The following PRKX variants were observed in gnomAD, a reference collection of about 807,000 sequenced individuals.
The protein encoded by PRKX is cAMP-dependent protein kinase catalytic subunit PRKX.
In PRKX, 12 loss-of-function variants were observed where a neutral mutation model predicts 22.0. The ratio of observed to expected loss-of-function variants is 0.54; its 90% confidence interval spans 0.35 to 0.88. PRKX has a LOEUF of 0.88. Ranked by LOEUF, PRKX falls within the 40% of genes least tolerant of loss-of-function variation. PRKX has a pLI of 0.01. For synonymous variants in PRKX, 134 were observed against 137.7 expected (o/e 0.97, Z 0.19); for missense variants, 217 against 308.0 (o/e 0.70, Z 2.21).
intron 4 of PRKX, among the ~76,000 whole-genome samples, chrX:3,638,606 C>T (rs1452920272): frequency 9.0e-6 from 1 of 111,422 alleles, no homozygotes; most frequent in African/African-American, 3.3e-5. Context: ...AAGTTTGGTT[C>T]TATATGACTT....
intron 1 of PRKX, among the ~76,000 whole-genome samples, chrX:3,689,712 TCAC>T (rs1928263341): frequency 9.0e-6 from 1 of 111,717 alleles, no homozygotes; most frequent in African/African-American, 3.3e-5. Context: ...GCGCGGTGGC[TCAC>T]ACCTGTAATC....
At chrX:3,703,356 A>C (rs1338982840) in intron 1 of PRKX, among the ~76,000 whole-genome samples, 1 of 111,974 alleles carries the variant, frequency 8.9e-6, no homozygotes, top group Non-Finnish European at 1.9e-5. Flanking sequence ...AGAAGACATG[A>C]AAGGCTGGAA....
chrX:3,637,016 GGGAAAGGAAAA>G (rs772954319), intron 4 of PRKX, among the ~76,000 whole-genome samples: 2 of 91,265 alleles, frequency 2.2e-5, no homozygotes, highest in Non-Finnish European at 4.8e-5. Flanking sequence ...AGAGGGAGAG[GGGAAAGGAAAA>G]GGAAAGGAAG....
chrX:3,690,226 T>C (rs1246820103), intron 1 of PRKX, among the ~76,000 whole-genome samples: 3 of 111,640 alleles, frequency 2.7e-5, no homozygotes, highest in Non-Finnish European at 5.6e-5. Flanking sequence ...TACTTCAAAC[T>C]TCAGTTAAAA....
chrX:3,605,323 G>C lies in PRKX; in HGVS notation c.*3646C>G, dbSNP rs1022225690. On this transcript the variant is annotated 3_prime_UTR_variant, in exon 9 of 9. Transcript: ENST00000262848. ...AATCAAAGGCTGCAAGGACTGTGTA[G>C]ACCTGATGCAAAGTTAACTGGCTGC... 8.9e-6 allele frequency: 1 copy of C among 112,359 alleles called. No individual in the cohort carries two copies. Among genetic ancestry groups the C allele is most frequent in the Non-Finnish European group, 1.9e-5 (1 of 53,280 alleles). 9.3% of individuals were successfully genotyped at this position (112,359 alleles called of 1,213,427 possible). A position where few individuals can be genotyped will look rare whatever the true frequency, so the allele number is the denominator to read the frequency against.
intron 1 of PRKX, among the ~76,000 whole-genome samples, chrX:3,694,729 C>A (rs149416181): frequency 1.8e-5 from 2 of 111,404 alleles, no homozygotes; most frequent in Non-Finnish European, 3.8e-5. Flanking sequence ...GATGAGATCG[C>A]GCTGGAAAAG....
chrX:3,698,656 T>C (rs1241106169), intron 1 of PRKX, among the ~76,000 whole-genome samples: 2 of 109,528 alleles, frequency 1.8e-5, no homozygotes, highest in African/African-American at 6.7e-5. Flanking sequence ...TGGTGTGATC[T>C]CGGCTCACTG....
chrX:3,699,840 C>G (rs765231898), intron 1 of PRKX, among the ~76,000 whole-genome samples: 1 of 112,386 alleles, frequency 8.9e-6, no homozygotes, highest in Non-Finnish European at 1.9e-5. Flanking sequence ...GGAAGACAAG[C>G]TCCCGGAACT....
chrX:3,689,839 T>A (rs866706854), intron 1 of PRKX, among the ~76,000 whole-genome samples: 1 of 110,960 alleles, frequency 9.0e-6, no homozygotes, highest in African/African-American at 3.3e-5. Context: ...TAGCCGAGTG[T>A]GGTGGCGGAA....
intron 7 of PRKX, among the ~76,000 whole-genome samples, chrX:3,614,361 C>T (rs1326354033): frequency 9.0e-6 from 1 of 111,578 alleles, no homozygotes; most frequent in African/African-American, 3.3e-5. Flanking sequence ...ATTAGCTGGG[C>T]GTCTGTAATC....
At chrX:3,712,726 A>T (rs1055077706) in intron 1 of PRKX, among the ~76,000 whole-genome samples, 9 of 112,546 alleles carry the variant, frequency 8.0e-5, no homozygotes, top group African/African-American at 2.9e-4. Flanking sequence ...GGCCGCTGCC[A>T]GGGAGGGAGC....
At chrX:3,708,604 C>T (rs1230561124) in intron 1 of PRKX, among the ~76,000 whole-genome samples, 2 of 110,221 alleles carry the variant, frequency 1.8e-5, no homozygotes, top group Non-Finnish European at 3.8e-5. Context: ...GTGGCTCACA[C>T]CTGCAATCCC....
chrX:3,689,047 C>G (rs775658676), intron 1 of PRKX, among the ~76,000 whole-genome samples: 7 of 112,192 alleles, frequency 6.2e-5, no homozygotes, highest in African/African-American at 1.3e-4. Context: ...ATATAACTTT[C>G]TCACCTTTTA....
intron 4 of PRKX, among the ~76,000 whole-genome samples, chrX:3,637,848 C>T (rs1170978209): frequency 9.2e-6 from 1 of 108,505 alleles, no homozygotes; most frequent in African/African-American, 3.4e-5. Flanking sequence ...CTCACCGCAA[C>T]CTACCCGCCT....
intron 6 of PRKX, among the ~76,000 whole-genome samples, chrX:3,617,347 A>G (rs1449113788): frequency 9.1e-6 from 1 of 110,384 alleles, no homozygotes; most frequent in South Asian, 3.9e-4. Context: ...TGTGTTATAT[A>G]AAGTGTGTGT....
chrX:3,613,150 C>CA (rs528688936), intron 7 of PRKX, among the ~76,000 whole-genome samples: 12 of 54,317 alleles, frequency 2.2e-4, no homozygotes, highest in African/African-American at 4.7e-4. Flanking sequence ...GACTTCGTCT[C>CA]AAAAAAAAAA....
chrX:3,613,409 G>T (rs759650473), intron 7 of PRKX, among the ~76,000 whole-genome samples: 2 of 110,212 alleles, frequency 1.8e-5, no homozygotes, highest in African/African-American at 6.6e-5. Context: ...GGCTTGGAGG[G>T]GGTAAGAGGG....
chrX:3,634,121 G>A (rs1435753971), intron 4 of PRKX, among the ~76,000 whole-genome samples: 4 of 107,797 alleles, frequency 3.7e-5, no homozygotes, highest in Non-Finnish European at 7.7e-5. Flanking sequence ...ACGGTGGCAC[G>A]CACCTGTAAC....
At chrX:3,669,357 TCCATCC>T (rs1927802859) in intron 2 of PRKX, among the ~76,000 whole-genome samples, 7 of 110,636 alleles carry the variant, frequency 6.3e-5, no homozygotes, top group African/African-American at 2.4e-4. Context: ...CATCCATCCA[TCCATCC>T]ATCAACTATC....
Sources: gnomAD v4.1 joint callset for allele counts (sites outside exome capture counted in the v4.1 genomes callset) on GRCh38, gnomAD v4.1.1 for gene constraint, MANE v1.5 for transcripts, NCBI Gene and HGNC (gene_info 2026-07-23, HGNC 2026-07-21) for gene names.